The following SPAG16 variants were observed in gnomAD, a reference collection of about 807,000 sequenced individuals.
The protein encoded by SPAG16 is sperm associated antigen 16.
Under a neutral mutation model 80.4 loss-of-function variants are expected in SPAG16, and 86 were observed. The observed-to-expected ratio is 1.07, with a 90% CI of 0.90 to 1.28. The LOEUF (loss-of-function observed/expected upper bound fraction) is 1.28, where lower values mean the gene tolerates loss of function less well. Ranked by LOEUF, SPAG16 falls within the 50% of genes most tolerant of loss-of-function variation. The probability of loss-of-function intolerance (pLI) is 0.00; values close to 1 mark genes in which losing one functional copy is unlikely to be tolerated. For synonymous variants in SPAG16, 294 were observed against 265.9 expected, an observed-to-expected ratio of 1.11 and a Z score of -1.03; for missense variants, 870 against 765.3, an observed-to-expected ratio of 1.14 and a Z score of -1.61.
At chr2:213,836,962 C>T (rs2074122832) in intron 10 of SPAG16, among the ~76,000 whole-genome samples, 1 of 152,030 alleles carries the variant, frequency 6.6e-6, no homozygotes, top group African/African-American at 2.4e-5. Context: ...CTCTCTCTCT[C>T]TCTCATAAAA....
intron 11 of SPAG16, among the ~76,000 whole-genome samples, chr2:213,905,807 C>T (rs949390990): frequency 1.3e-5 from 2 of 152,060 alleles, no homozygotes; most frequent in Admixed American, 6.6e-5. Context: ...GATGCCCACC[C>T]TCCAAGATAA....
At position 214,107,531 on chromosome 2, in the gene SPAG16, T is replaced by C. The variant is rs75691867; in HGVS notation, c.1528-665T>C. On this transcript the variant is annotated intron_variant, in intron 13 of 15. Coordinates refer to ENST00000331683, the MANE Select transcript of SPAG16 (RefSeq NM_024532.5). ...CATTTAGATATTTAGATCCCTATTA[T>C]AATGTGTTATAGGTCCATCTTTCCC... is the stretch of plus-strand genomic sequence containing the variant. Among the ~76,000 whole-genome samples, 16 of 152,300 alleles carry C rather than the reference T, an allele frequency of 1.1e-4. No homozygotes were observed. In the East Asian group the frequency reaches 2.7e-3, roughly 26 times the overall value.
At chr2:214,387,758 C>T (rs911619060) in intron 15 of SPAG16, among the ~76,000 whole-genome samples, 3 of 152,016 alleles carry the variant, frequency 2.0e-5, no homozygotes, top group African/African-American at 7.3e-5. Flanking sequence ...GAATGAGTGC[C>T]CAGTGAAGGG....
intron 12 of SPAG16, among the ~76,000 whole-genome samples, chr2:213,997,559 C>T (rs1473287716): frequency 6.6e-6 from 1 of 152,094 alleles, no homozygotes; most frequent in Admixed American, 6.6e-5. Flanking sequence ...CCTGTTAGTC[C>T]TAATATATTT....
chr2:214,314,707 G>A (rs1695557975), intron 15 of SPAG16, among the ~76,000 whole-genome samples: 1 of 152,202 alleles, frequency 6.6e-6, no homozygotes, highest in African/African-American at 2.4e-5. Context: ...AATTGATTAA[G>A]TTAGGGGATG....
chr2:213,699,457 GA>G (rs2065308882), intron 10 of SPAG16, among the ~76,000 whole-genome samples: 2 of 152,110 alleles, frequency 1.3e-5, no homozygotes, highest in Non-Finnish European at 2.9e-5. Flanking sequence ...GACAGCCCTA[GA>G]AAAGAAATTT....
chr2:214,297,460 T>C (rs1276813624), intron 15 of SPAG16, among the ~76,000 whole-genome samples: 1 of 152,172 alleles, frequency 6.6e-6, no homozygotes, highest in Non-Finnish European at 1.5e-5. Context: ...AGGTCTTACA[T>C]TTAAGTCTTT....
At chr2:213,790,317 C>G (rs529520871) in intron 10 of SPAG16, among the ~76,000 whole-genome samples, 1 of 151,980 alleles carries the variant, frequency 6.6e-6, no homozygotes, top group Non-Finnish European at 1.5e-5. Flanking sequence ...ATCTCCAACT[C>G]TCAACTCTCA....
chr2:213,963,244 C>A (rs2044545775), intron 12 of SPAG16, among the ~76,000 whole-genome samples: 1 of 151,906 alleles, frequency 6.6e-6, no homozygotes, highest in Admixed American at 6.6e-5. Context: ...TTTTCATTTT[C>A]ATTTATCTCA....
chr2:214,045,664 T>A (rs10182667), intron 13 of SPAG16, among the ~76,000 whole-genome samples: 81,349 of 151,936 alleles, frequency 0.54, 22,446 homozygotes, highest in East Asian at 0.76. Flanking sequence ...GAAACAAATG[T>A]TAATGAAAAC....
intron 10 of SPAG16, among the ~76,000 whole-genome samples, chr2:213,586,352 T>C (rs150231134): frequency 6.6e-6 from 1 of 152,306 alleles, no homozygotes; most frequent in Non-Finnish European, 1.5e-5. Flanking sequence ...GCTTTCTGTT[T>C]GATAGATAGT....
chr2:214,199,003 C>T (rs902756659), intron 15 of SPAG16, among the ~76,000 whole-genome samples: 4 of 151,938 alleles, frequency 2.6e-5, no homozygotes, highest in African/African-American at 9.7e-5. Flanking sequence ...TGGATAGTGG[C>T]CCTTTGTCAG....
At chr2:213,716,619 A>G (rs528084755) in intron 10 of SPAG16, among the ~76,000 whole-genome samples, 1 of 152,328 alleles carries the variant, frequency 6.6e-6, no homozygotes, top group South Asian at 2.1e-4. Flanking sequence ...TCTTCTGTTT[A>G]TAATTCTTCT....
At chr2:213,798,463 C>G (rs1208992768) in intron 10 of SPAG16, among the ~76,000 whole-genome samples, 4 of 152,004 alleles carry the variant, frequency 2.6e-5, no homozygotes, top group Non-Finnish European at 4.4e-5. Context: ...CCATGATGGG[C>G]AGGCTGGTCT....
chr2:213,426,205 C>T (rs2069902707), intron 9 of SPAG16, among the ~76,000 whole-genome samples: 1 of 152,058 alleles, frequency 6.6e-6, no homozygotes, highest in Non-Finnish European at 1.5e-5. Flanking sequence ...TTGTCTTGTA[C>T]ATTGCAAATA....
intron 5 of SPAG16, among the ~76,000 whole-genome samples, chr2:213,321,679 T>A (rs1351645629): frequency 1.3e-5 from 2 of 152,162 alleles, no homozygotes; most frequent in Non-Finnish European, 2.9e-5. Flanking sequence ...TTGTCAACAG[T>A]GTCAATTTTA....
Position 213,375,524 on chromosome 2 carries a change from G to A in SPAG16, c.942+405G>A, listed in dbSNP as rs569068363. On this transcript the variant is annotated intron_variant, in intron 9 of 15. Coordinates refer to ENST00000331683, the MANE Select transcript of SPAG16 (RefSeq NM_024532.5). ...GTAGAATGAAATAGCATTATGCTCC[G>A]TTTAACAATCTCTTTATATCTTGAG... Among the ~76,000 whole-genome samples the A allele has an allele frequency of 7.6e-4, 115 of 152,076 alleles. No individual in the cohort carries two copies. In the Middle Eastern group the frequency reaches 0.01, roughly 13 times the overall value.
chr2:213,427,313 A>G (rs1414993296), intron 9 of SPAG16, among the ~76,000 whole-genome samples: 1 of 152,176 alleles, frequency 6.6e-6, no homozygotes, highest in African/African-American at 2.4e-5. Context: ...AGTATACCCA[A>G]AACTTTTAGC....
intron 13 of SPAG16, among the ~76,000 whole-genome samples, chr2:214,051,967 C>T (rs931804795): frequency 2.0e-5 from 3 of 152,124 alleles, no homozygotes; most frequent in Non-Finnish European, 2.9e-5. Flanking sequence ...ATAGATTTCC[C>T]TTTTTTCTTC....
Sources: allele counts gnomAD v4.1 joint callset (sites outside exome capture counted in the v4.1 genomes callset), GRCh38; gene constraint gnomAD v4.1.1; transcripts MANE v1.5; gene names NCBI Gene and HGNC (gene_info 2026-07-23, HGNC 2026-07-21).